The following MTMR7 variants were observed in gnomAD, a reference collection of about 807,000 sequenced individuals.
MTMR7 encodes the protein phosphatidylinositol-3-phosphate phosphatase MTMR7.
A neutral mutation model predicts 81.2 loss-of-function variants in MTMR7; 76 were observed. That is an observed-to-expected ratio of 0.94 (90% CI 0.78 to 1.13). The LOEUF (loss-of-function observed/expected upper bound fraction) is 1.13. Ranked by LOEUF, MTMR7 falls within the 50% of genes most tolerant of loss-of-function variation. The pLI, the probability that MTMR7 is intolerant of heterozygous loss-of-function variation, is 0.00. For synonymous variants in MTMR7, 372 were observed against 289.8 expected (o/e 1.28, Z -2.88); for missense variants, 1,044 against 820.0 (o/e 1.27, Z -3.34).
chr8:17,349,197 G>C, intron 4 of MTMR7, 116 bp from the exon 5 acceptor site: 1 of 1,248,582 alleles, frequency 8.0e-7, no homozygotes, highest in Non-Finnish European at 1.1e-6. Flanking sequence ...CCTTAACCAT[G>C]TTACAGAGGA....
chr8:17,413,304 G>C lies in MTMR7; in HGVS notation c.-12C>G, dbSNP rs1405793500. ...CGGATGTGCTCCATGGCTGGCCCACGTCTGCAGGGTCCCGGGCGGGCGCGG... is the reference window on the plus strand; with the variant it reads ...CGGATGTGCTCCATGGCTGGCCCACCTCTGCAGGGTCCCGGGCGGGCGCGG... On this transcript the variant is annotated 5_prime_UTR_variant, in exon 1 of 14. Transcript: ENST00000180173. 5 of 1,541,216 alleles carry C rather than the reference G, an allele frequency of 3.2e-6. No homozygotes were observed. The Admixed American group carries it at 6.0e-5, about 18-fold the overall frequency.
In MTMR7 at chr8:17,404,945, C is replaced by A. The variant is rs182036018; in HGVS notation, c.24+8324G>T. Among the ~76,000 whole-genome samples, 5 of 152,304 alleles carry A rather than the reference C, an allele frequency of 3.3e-5. No individual in the cohort carries two copies. The East Asian group carries it at 7.7e-4, about 24-fold the overall frequency. On this transcript the variant is annotated intron_variant, in intron 1 of 13. Coordinates refer to ENST00000180173, the MANE Select transcript of MTMR7 (RefSeq NM_004686.5). Reference sequence around the variant, plus strand: ...GGTTTAAGTGATTCTCCTGCCTCAGCCTCCAGAGTAGCTAGGATTACAAGC... The same window carrying A: ...GGTTTAAGTGATTCTCCTGCCTCAGACTCCAGAGTAGCTAGGATTACAAGC...
chr8:17,344,144 C>G (rs2150544661), intron 5 of MTMR7, among the ~76,000 whole-genome samples: 1 of 152,256 alleles, frequency 6.6e-6, no homozygotes, highest in East Asian at 1.9e-4. Context: ...CCACTTGATA[C>G]ATGAAGTGAC....
At chr8:17,378,241 A>T (rs567507331) in intron 1 of MTMR7, among the ~76,000 whole-genome samples, 2 of 152,166 alleles carry the variant, frequency 1.3e-5, no homozygotes, top group Non-Finnish European at 2.9e-5. Context: ...AAAAGAAATA[A>T]GGAGGGGAAC....
In MTMR7 at chr8:17,305,942, A is replaced by G. The variant is rs1219386029; in HGVS notation, c.1167T>C (p.Asp389=). The change falls in exon 11 of 14, where the codon GAT becomes GAC. Residue 389 remains aspartate, a synonymous_variant. Coordinates refer to ENST00000180173, the MANE Select transcript of MTMR7 (RefSeq NM_004686.5). ...CTGGAGAGATTTCTTTTGGGTCACC[A>G]TCTAGATTGCCATATCTATAAAACA... ...HKFNHRYGNL[D]GDPKEISPVI... is the part of the protein sequence containing the mutation. 2 of 1,613,118 alleles carry G rather than the reference A, an allele frequency of 1.2e-6. No individual in the cohort carries two copies. The highest frequency in any genetic ancestry group is 1.7e-5 in the Admixed American group (1 of 60,008).
chr8:17,301,982 G>C, intron 13 of MTMR7, 172 bp downstream of exon 13: 3 of 786,664 alleles, frequency 3.8e-6, no homozygotes, highest in Non-Finnish European at 5.8e-6. Flanking sequence ...AAATGCCTAG[G>C]TTTGGGCTTC....
At chr8:17,400,189 G>A (rs763963112) in intron 1 of MTMR7, among the ~76,000 whole-genome samples, 7 of 152,072 alleles carry the variant, frequency 4.6e-5, no homozygotes, top group African/African-American at 9.7e-5. Flanking sequence ...CAATAGTACC[G>A]ATAGTACTGA....
chr8:17,310,132 G>A (rs570393239), intron 9 of MTMR7, among the ~76,000 whole-genome samples: 1 of 151,938 alleles, frequency 6.6e-6, no homozygotes, highest in African/African-American at 2.4e-5. Flanking sequence ...CAAGTAGCTG[G>A]GACCACAGGT....
chr8:17,400,888 A>G (rs1387728732), intron 1 of MTMR7, among the ~76,000 whole-genome samples: 2 of 152,236 alleles, frequency 1.3e-5, no homozygotes, highest in African/African-American at 4.8e-5. Context: ...GTGATTAAAC[A>G]TTCCTCAAAA....
At chr8:17,408,678 G>A (rs534953491) in intron 1 of MTMR7, among the ~76,000 whole-genome samples, 236 of 152,234 alleles carry the variant, frequency 1.6e-3, no homozygotes, top group African/African-American at 5.5e-3. Context: ...AAACTGACAG[G>A]AACAGCAGAT....
At chr8:17,348,842 T>C (rs1256780534) in intron 5 of MTMR7, 111 bp downstream of exon 5, 1 of 1,313,888 alleles carries the variant, frequency 7.6e-7, no homozygotes, top group Admixed American at 1.8e-5. Context: ...CCACATACCT[T>C]CTGAAGAATT....
At position 17,341,499 on chromosome 8, in the gene MTMR7, TA is replaced by T. The variant is rs1373156868; in HGVS notation, c.598-3del. ...CTGGCTGCTCCGGCAGATGGAGGCC[TA>T]GGGGGAGAGGTCACAGCAACACAGC... is the stretch of plus-strand genomic sequence containing the variant. On this transcript the variant is annotated splice_region_variant and splice_polypyrimidine_tract_variant and intron_variant, in intron 5 of 13. Transcript: ENST00000180173. 5 of 1,613,216 alleles carry T rather than the reference TA, an allele frequency of 3.1e-6. No homozygotes were observed. The highest frequency in any genetic ancestry group is 1.3e-5 in the African/African-American group (1 of 74,904).
Position 17,335,238 on chromosome 8 carries a change from G to C in MTMR7, c.733-3956C>G, listed in dbSNP as rs146880411. ...ACGCAGGCTCCACGAGGGGCCCTGA[G>C]TGTCTCATTGATGGCCACATCCGTA... is the stretch of plus-strand genomic sequence containing the variant. On this transcript the variant is annotated intron_variant, in intron 6 of 13. Coordinates refer to ENST00000180173, the MANE Select transcript of MTMR7 (RefSeq NM_004686.5). 7.8e-3 allele frequency among the ~76,000 whole-genome samples: 1,190 copies of C among 152,292 alleles called. 11 individuals carry two copies. Among genetic ancestry groups the C allele is most frequent in the Middle Eastern group, 0.034 (10 of 294 alleles).
intron 13 of MTMR7, among the ~76,000 whole-genome samples, chr8:17,301,102 C>A (rs1300246955): frequency 1.3e-5 from 2 of 152,170 alleles, no homozygotes; most frequent in Admixed American, 6.5e-5. Flanking sequence ...GTTATAAGAT[C>A]AAGTATTATG....
intron 4 of MTMR7, among the ~76,000 whole-genome samples, chr8:17,358,056 G>A (rs960304724): frequency 3.3e-5 from 5 of 151,784 alleles, no homozygotes; most frequent in Non-Finnish European, 5.9e-5. Flanking sequence ...ACATGAAAAA[G>A]GAAAAAGCAT....
Position 17,391,736 on chromosome 8 carries a change from C to T in MTMR7, c.25-18496G>A, listed in dbSNP as rs200524572. Among the ~76,000 whole-genome samples the T allele has an allele frequency of 3.9e-5, 6 of 152,108 alleles. No homozygotes were observed. In the East Asian group the frequency reaches 9.7e-4, roughly 24 times the overall value. ...AGTAAAATTTACTTTCACAGCTTGG[C>T]AATAAATTTATTTCTCCGGGAATCT... On this transcript the variant is annotated intron_variant, in intron 1 of 13. Transcript: ENST00000180173.
intron 2 of MTMR7, among the ~76,000 whole-genome samples, chr8:17,372,511 C>G (rs530711357): frequency 9.2e-5 from 14 of 152,174 alleles, no homozygotes; most frequent in African/African-American, 3.4e-4. Context: ...TCACTTGAAC[C>G]CAGGAGGCAG....
At chr8:17,333,661 G>A (rs537137487) in intron 6 of MTMR7, among the ~76,000 whole-genome samples, 8 of 152,242 alleles carry the variant, frequency 5.3e-5, no homozygotes, top group South Asian at 4.1e-4. Context: ...ATCAGCCTGC[G>A]CAACATGGCA....
chr8:17,407,252 C>T lies in MTMR7; in HGVS notation c.24+6017G>A, dbSNP rs1024189190. Among the ~76,000 whole-genome samples, 6 of 151,492 alleles carry T rather than the reference C, an allele frequency of 4.0e-5. 1 individual carries two copies. The highest frequency in any genetic ancestry group is 1.5e-4 in the African/African-American group (6 of 41,084). On this transcript the variant is annotated intron_variant, in intron 1 of 13. Transcript: ENST00000180173. ...GTCAGTAAACATATTTTTGGAAAAA[C>T]TTCAACCTCGCTGGTAAAAAAAAAT...
Sources: allele counts gnomAD v4.1 joint callset (sites outside exome capture counted in the v4.1 genomes callset), GRCh38; gene constraint gnomAD v4.1.1; transcripts MANE v1.5; gene names NCBI Gene and HGNC (gene_info 2026-07-23, HGNC 2026-07-21).